The following PAPPA variants were observed in gnomAD, a reference collection of about 807,000 sequenced individuals.
PAPPA encodes pappalysin 1.
Under a neutral mutation model 164.0 loss-of-function variants are expected in PAPPA, and 60 were observed. The ratio of observed to expected loss-of-function variants is 0.37; its 90% confidence interval spans 0.30 to 0.45. PAPPA has a LOEUF of 0.45. Ranked by LOEUF, PAPPA falls within the 20% of genes least tolerant of loss-of-function variation. The pLI is 1.00. For synonymous variants in PAPPA, 875 were observed against 814.1 expected, an observed-to-expected ratio of 1.07 and a Z score of -1.27; for missense variants, 1,782 against 2,087.3, an observed-to-expected ratio of 0.85 and a Z score of 2.85.
chr9:116,155,685 C>T (rs1196622446), intron 1 of PAPPA, among the ~76,000 whole-genome samples: 1 of 152,194 alleles, frequency 6.6e-6, no homozygotes, highest in Non-Finnish European at 1.5e-5. Flanking sequence ...GTGAGCTCTC[C>T]GGGCAGTTCT....
intron 9 of PAPPA, among the ~76,000 whole-genome samples, chr9:116,289,357 G>GGCATATATATGCCATATATATA (rs1564212430): frequency 1.3e-4 from 14 of 108,484 alleles, no homozygotes; most frequent in Admixed American, 2.8e-4. Context: ...GCATATATAT[G>GGCATATATATGCCATATATATA]GCATATATAT....
At chr9:116,282,776 G>C (rs2118846185) in intron 9 of PAPPA, among the ~76,000 whole-genome samples, 1 of 152,248 alleles carries the variant, frequency 6.6e-6, no homozygotes, top group East Asian at 1.9e-4. Context: ...ATAATGAGAA[G>C]GGGAAACAAT....
chr9:116,366,941 G>A (rs1040273070), intron 18 of PAPPA, among the ~76,000 whole-genome samples: 8 of 152,122 alleles, frequency 5.3e-5, no homozygotes, highest in Non-Finnish European at 1.2e-4. Context: ...GAAACCCTGG[G>A]GCAAGAGAAG....
At chr9:116,387,544 T>A (rs1484100322) in intron 21 of PAPPA, among the ~76,000 whole-genome samples, 1 of 152,168 alleles carries the variant, frequency 6.6e-6, no homozygotes, top group African/African-American at 2.4e-5. Flanking sequence ...ATGCTAATTT[T>A]CATATTTTTT....
At chr9:116,158,528 G>T (rs1843628994) in intron 1 of PAPPA, among the ~76,000 whole-genome samples, 2 of 152,228 alleles carry the variant, frequency 1.3e-5, no homozygotes, top group African/African-American at 2.4e-5. Flanking sequence ...TGTACAGAGT[G>T]ATGATGGCAC....
intron 3 of PAPPA, among the ~76,000 whole-genome samples, chr9:116,209,907 G>C (rs1237458035): frequency 6.6e-6 from 1 of 152,120 alleles, no homozygotes; most frequent in Non-Finnish European, 1.5e-5. Flanking sequence ...ACCTATGTCA[G>C]CTAACTCCAG....
chr9:116,278,925 T>G (rs999510388), intron 9 of PAPPA, among the ~76,000 whole-genome samples: 1 of 152,192 alleles, frequency 6.6e-6, no homozygotes, highest in Non-Finnish European at 1.5e-5. Context: ...GGATGTCAGT[T>G]AACGCCACCT....
At chr9:116,174,152 G>T (rs1322043107) in intron 1 of PAPPA, among the ~76,000 whole-genome samples, 2 of 152,190 alleles carry the variant, frequency 1.3e-5, no homozygotes, top group Admixed American at 6.5e-5. Context: ...TATGCAAAGA[G>T]TTTCGCACAA....
At position 116,219,967 on chromosome 9, in the gene PAPPA, A is replaced by G. The variant is rs1564188647; in HGVS notation, c.1949A>G (p.Asn650Ser). 3.1e-6 allele frequency: 5 copies of G among 1,613,864 alleles called. No individual in the cohort carries two copies. The highest frequency in any genetic ancestry group is 1.3e-5 in the African/African-American group (1 of 75,020). Residue 650 changes from asparagine to serine, a missense_variant, in exon 5 of 22, where the codon AAT becomes AGT. Physicochemically the swap from Asn to Ser is conservative, Grantham distance 46. Transcript: ENST00000328252. ...GACTGTACGGACTCCTTCACGCCCA[A>G]TCAAGTCGCCAGAATGCACTGTTAC... ...DDDCTDSFTP[N>S]QVARMHCYLD... is the part of the protein sequence containing the mutation.
At chr9:116,390,168 A>G (rs1017078845) in intron 21 of PAPPA, among the ~76,000 whole-genome samples, 43 of 152,214 alleles carry the variant, frequency 2.8e-4, no homozygotes, top group African/African-American at 9.6e-4. Context: ...GAGTATAGCA[A>G]GTACTCATGG....
rs181996056 is a variant in PAPPA at position 116,354,981 on chromosome 9, T to G, written c.4347+1188T>G. Among the ~76,000 whole-genome samples the G allele has an allele frequency of 1.1e-3, 172 of 152,256 alleles. 1 individual carries two copies. Among genetic ancestry groups the G allele is most frequent in the African/African-American group, 4.1e-3 (169 of 41,532 alleles). Reference sequence around the variant, plus strand: ...AAAAAGAGTTATCCTTGTACCTTTTTCAGCTGTCTGACACCTCATCTTCCT... The same window carrying G: ...AAAAAGAGTTATCCTTGTACCTTTTGCAGCTGTCTGACACCTCATCTTCCT... On this transcript the variant is annotated intron_variant, in intron 17 of 21. Transcript: ENST00000328252.
At chr9:116,340,885 T>C (rs2118968704) in intron 13 of PAPPA, among the ~76,000 whole-genome samples, 1 of 152,304 alleles carries the variant, frequency 6.6e-6, no homozygotes, top group Middle Eastern at 3.4e-3. Context: ...AGGTGATTCA[T>C]GGGACCAAGG....
chr9:116,325,918 C>A (rs778542198), intron 10 of PAPPA, among the ~76,000 whole-genome samples: 1 of 152,118 alleles, frequency 6.6e-6, no homozygotes, highest in African/African-American at 2.4e-5. Flanking sequence ...GTGCAAGATA[C>A]CTCCCTTCCC....
chr9:116,229,929 G>C (rs567435980), intron 6 of PAPPA, among the ~76,000 whole-genome samples: 42 of 152,256 alleles, frequency 2.8e-4, no homozygotes, highest in African/African-American at 1.0e-3. Context: ...ATCTTGCTTT[G>C]TTCTACCACT....
rs749940076 is a variant in PAPPA, at chr9:116,401,586, A to ATG, written c.*4976_*4977dup. On this transcript the variant is annotated 3_prime_UTR_variant, in exon 22 of 22. Coordinates refer to ENST00000328252, the MANE Select transcript of PAPPA (RefSeq NM_002581.5). Reference sequence around the variant, plus strand: ...CACATGTATATATAGTTGTACATATATGTGTGTATATATATACTTAAATGT... The same window carrying ATG: ...CACATGTATATATAGTTGTACATATATGTGTGTGTATATATATACTTAAATGT... 1 of 151,288 alleles carries ATG rather than the reference A, an allele frequency of 6.6e-6. No individual in the cohort carries two copies. The highest frequency in any genetic ancestry group is 2.4e-5 in the African/African-American group (1 of 41,252). The allele number at this position is 151,288 out of a possible 1,614,324, so 9.4% of individuals were successfully genotyped here. A position where few individuals can be genotyped will look rare whatever the true frequency, so the allele number is the denominator to read the frequency against.
intron 12 of PAPPA, among the ~76,000 whole-genome samples, chr9:116,333,822 C>A (rs1200682288): frequency 5.3e-5 from 8 of 152,040 alleles, no homozygotes; most frequent in Non-Finnish European, 1.2e-4. Flanking sequence ...CTCTTTGGAT[C>A]CTGGTACTGA....
At position 116,156,984 on chromosome 9, in the gene PAPPA, G is replaced by C. The variant is rs571127331; in HGVS notation, c.415+2397G>C. 2.1e-3 allele frequency among the ~76,000 whole-genome samples: 327 copies of C among 152,312 alleles called. 2 individuals are homozygous for C. Among genetic ancestry groups the C allele is most frequent in the Non-Finnish European group, 2.3e-3 (155 of 68,024 alleles). On this transcript the variant is annotated intron_variant, in intron 1 of 21. Coordinates refer to ENST00000328252, the MANE Select transcript of PAPPA (RefSeq NM_002581.5). ...TGACCTCTGCTGGCTTTCTCTGGCT[G>C]GGCGTTGCCACTTTCCTAGGAATCC... is the stretch of plus-strand genomic sequence containing the variant.
At chr9:116,277,300 G>C (rs967038560) in intron 9 of PAPPA, among the ~76,000 whole-genome samples, 1 of 152,170 alleles carries the variant, frequency 6.6e-6, no homozygotes, top group African/African-American at 2.4e-5. Flanking sequence ...GCTTCCCTTG[G>C]CTTGAAGGCA....
intron 9 of PAPPA, among the ~76,000 whole-genome samples, chr9:116,277,635 C>G (rs1845215757): frequency 6.6e-6 from 1 of 151,964 alleles, no homozygotes; most frequent in African/African-American, 2.4e-5. Context: ...GATGTGTTTG[C>G]TACTGATGCT....
Sources: allele counts gnomAD v4.1 joint callset (sites outside exome capture counted in the v4.1 genomes callset), GRCh38; gene constraint gnomAD v4.1.1; transcripts MANE v1.5; gene names NCBI Gene and HGNC (gene_info 2026-07-23, HGNC 2026-07-21).